NSD2: variants seen among roughly 807,000 people sequenced by gnomAD.
NSD2 encodes nuclear receptor binding SET domain protein 2, also known as histone-lysine N-methyltransferase NSD2.
NSD2 carries 12 observed loss-of-function variants against 139.0 expected under a neutral mutation model. The ratio of observed to expected loss-of-function variants is 0.09; its 90% CI spans 0.06 to 0.14. NSD2 has a LOEUF of 0.14. Ranked by LOEUF, NSD2 falls within the 10% of genes least tolerant of loss-of-function variation. The pLI, the probability that NSD2 is intolerant of heterozygous loss-of-function variation, is 1.00. For synonymous variants in NSD2, 669 were observed against 648.7 expected, an observed-to-expected ratio of 1.03 and a Z score of -0.48; for missense variants, 1,155 against 1,745.0, an observed-to-expected ratio of 0.66 and a Z score of 6.02.
At chr4:1,904,829 G>A (rs1717668403) in intron 3 of NSD2, among the ~76,000 whole-genome samples, 1 of 152,092 alleles carries the variant, frequency 6.6e-6, no homozygotes, top group Non-Finnish European at 1.5e-5. Context: ...AGCGGCTGAT[G>A]TAACATATTA....
At chr4:1,946,354 G>A in intron 9 of NSD2, 3 of 532,108 alleles carry the variant, frequency 5.6e-6, no homozygotes, top group East Asian at 8.8e-5. Flanking sequence ...TGCAACCTCC[G>A]CCTCCTTGGT....
rs776888983 is a variant in NSD2 at position 1,901,175 on chromosome 4, A to C, written c.521A>C (p.Lys174Thr). ...KARRNRKRSI[K>T]YDSLLEQGLV... ...AGAAGGAACAGGAAGAGGAGCATAA[A>C]ATATGACTCCTTGCTGGAGCAGGGC... is the stretch of plus-strand genomic sequence containing the variant. The change falls in exon 2 of 22, where the codon AAA becomes ACA. Residue 174 changes from lysine to threonine, a missense_variant. Transcript: ENST00000508803. 2 of 1,613,590 alleles carry C rather than the reference A, an allele frequency of 1.2e-6. No individual in the cohort carries two copies. The highest frequency in any genetic ancestry group is 3.3e-5 in the Admixed American group (2 of 59,894).
chr4:1,975,142 C>T (rs1039116853), intron 19 of NSD2, 138 bp downstream of exon 19: 3 of 1,463,150 alleles, frequency 2.1e-6, no homozygotes, highest in East Asian at 2.3e-5. Context: ...GTTTGAATAT[C>T]TCTTTTACCA....
At position 1,918,189 on chromosome 4, in the gene NSD2, A is replaced by G. The variant is rs1719659483; in HGVS notation, c.976A>G (p.Ile326Val). Reference sequence around the variant, plus strand: ...ATTGAGGGCCCAGTGGGAAATGGGCATTGTTCAAGCAGAAGAAGCTGCAAG... The same window carrying G: ...ATTGAGGGCCCAGTGGGAAATGGGCGTTGTTCAAGCAGAAGAAGCTGCAAG... ...GKLRAQWEMG[I>V]VQAEEAASMS... Residue 326 changes from isoleucine to valine, a missense_variant, in exon 5 of 22, where the codon ATT becomes GTT. This residue lies in a region of NSD2 where 420 missense variants were observed against 469.0 expected (regional missense o/e 0.90). Transcript: ENST00000508803. 1 of 1,613,152 alleles carries G rather than the reference A, an allele frequency of 6.2e-7. No homozygotes were observed. The highest frequency in any genetic ancestry group is 1.1e-5 in the South Asian group (1 of 91,054).
At chr4:1,950,961 T>G in intron 9 of NSD2, 111 bp from the exon 10 acceptor site, 43 of 1,432,256 alleles carry the variant, frequency 3.0e-5, no homozygotes, top group Non-Finnish European at 3.5e-5. Flanking sequence ...GGACCAGTGC[T>G]GAGAAAGACT....
rs1727046096 is a variant in NSD2 at position 1,976,066 on chromosome 4, G to GA, written c.3622-409_3622-408insA. 6.6e-6 allele frequency among the ~76,000 whole-genome samples: 1 copy of GA among 152,166 alleles called. No homozygotes were observed. ...AGCCGTGTTGCTGAGGATGGTCACT[G>GA]CCCTCAGGTCACTGCCGCCCACCTG... On this transcript the variant is annotated intron_variant, in intron 20 of 21. Transcript: ENST00000508803. The surrounding 1 kb of genome is among the most constrained non-coding windows in gnomAD (Gnocchi z 5.3).
chr4:1,927,515 C>T (rs1303239035), intron 5 of NSD2, among the ~76,000 whole-genome samples: 2 of 151,812 alleles, frequency 1.3e-5, no homozygotes, highest in Non-Finnish European at 2.9e-5. Context: ...GTCAGGAGTT[C>T]GAGACCAGCC....
intron 1 of NSD2, among the ~76,000 whole-genome samples, chr4:1,882,014 C>G (rs1288336294): frequency 6.6e-6 from 1 of 152,160 alleles, no homozygotes; most frequent in Non-Finnish European, 1.5e-5. Context: ...CTGTTAAGAG[C>G]AATGTGAGGT....
chr4:1,886,646 G>C (rs1028146402), intron 1 of NSD2, among the ~76,000 whole-genome samples: 1 of 151,992 alleles, frequency 6.6e-6, no homozygotes, highest in Non-Finnish European at 1.5e-5. Context: ...CCTAGCCAAC[G>C]TGGTGGAACC....
chr4:1,924,405 G>A (rs958206280), intron 5 of NSD2, among the ~76,000 whole-genome samples: 24 of 152,050 alleles, frequency 1.6e-4, no homozygotes, highest in African/African-American at 5.8e-4. Context: ...TTGCTCGGCT[G>A]TGTCTCTACA....
At chr4:1,945,259 C>T (rs972267774) in intron 9 of NSD2, 10 of 1,066,646 alleles carry the variant, frequency 9.4e-6, no homozygotes, top group Non-Finnish European at 1.1e-5. Flanking sequence ...TTTGGAGAGT[C>T]TCATGTAGCT....
intron 1 of NSD2, among the ~76,000 whole-genome samples, chr4:1,884,778 C>T (rs1488428639): frequency 6.6e-6 from 1 of 152,092 alleles, no homozygotes; most frequent in Non-Finnish European, 1.5e-5. Context: ...GGGTTCTTTT[C>T]AGTTGAGTTC....
chr4:1,968,404 A>G (rs886708746), intron 18 of NSD2, among the ~76,000 whole-genome samples: 3 of 152,338 alleles, frequency 2.0e-5, no homozygotes, highest in South Asian at 4.1e-4. Flanking sequence ...TGGTGACGCC[A>G]GGGTGAGCTG....
chr4:1,888,361 TGA>T (rs1382566975), intron 1 of NSD2, among the ~76,000 whole-genome samples: 4 of 126,822 alleles, frequency 3.2e-5, no homozygotes, highest in Non-Finnish European at 4.6e-5. Flanking sequence ...TGCAGTGAGC[TGA>T]GATCAGGCCA....
At position 1,974,418 on chromosome 4, in the gene NSD2, TG is replaced by T. The variant is rs1726845238; in HGVS notation, c.3373-443del. On this transcript the variant is annotated intron_variant, in intron 18 of 21. Coordinates refer to ENST00000508803, the MANE Select transcript of NSD2 (RefSeq NM_001042424.3). The surrounding 1 kb of genome is among the most constrained non-coding windows in gnomAD (Gnocchi z 4.0). ...TAGTAGAGATGGGGGTTCACCATGT[TG>T]GCTAGTCTGGTCTCAAATTCCTGAC... Among the ~76,000 whole-genome samples the T allele has an allele frequency of 6.6e-6, 1 of 152,202 alleles. No individual in the cohort carries two copies.
intron 1 of NSD2, among the ~76,000 whole-genome samples, chr4:1,888,436 AAGACTT>A (rs1194827654): frequency 6.7e-6 from 1 of 148,920 alleles, no homozygotes; most frequent in African/African-American, 2.5e-5. Context: ...AAAAAAAAAA[AAGACTT>A]TATATGCCAG....
At chr4:1,872,919 GAAC>G (rs1005472298) in intron 1 of NSD2, among the ~76,000 whole-genome samples, 4 of 152,264 alleles carry the variant, frequency 2.6e-5, no homozygotes, top group Admixed American at 1.3e-4. Context: ...AATGTGATGA[GAAC>G]AACAATATTT....
At position 1,958,041 on chromosome 4, in the gene NSD2, C is replaced by A. The variant is rs769782258; in HGVS notation, c.2985+5C>A. 4.3e-6 allele frequency: 7 copies of A among 1,612,704 alleles called. No homozygotes were observed. The highest frequency in any genetic ancestry group is 1.7e-5 in the Admixed American group (1 of 59,918). On this transcript the variant is annotated splice_donor_5th_base_variant and intron_variant, in intron 16 of 21. Transcript: ENST00000508803. This position sits in a 1 kb window ranked among gnomAD's most constrained non-coding sequence, Gnocchi z 4.6. ...CCACCATACAAGCACATCAAGGTGGCGTGTGGGAGCTGCGTGCACGCGTGT... is the reference window on the plus strand; with the variant it reads ...CCACCATACAAGCACATCAAGGTGGAGTGTGGGAGCTGCGTGCACGCGTGT...
At chr4:1,909,393 A>G (rs1718368342) in intron 3 of NSD2, among the ~76,000 whole-genome samples, 1 of 152,070 alleles carries the variant, frequency 6.6e-6, no homozygotes, top group African/African-American at 2.4e-5. Flanking sequence ...TTGCAAGGGA[A>G]ACTCTGTGCA....
Sources: allele counts gnomAD v4.1 joint callset (sites outside exome capture counted in the v4.1 genomes callset), GRCh38; gene constraint gnomAD v4.1.1; regional missense constraint gnomAD v4.1.1; non-coding constraint Gnocchi (gnomAD v3.1); transcripts MANE v1.5; gene names NCBI Gene and HGNC (gene_info 2026-07-23, HGNC 2026-07-21).